Variants in RNF2 observed in about 807,000 individuals in gnomAD.
The protein encoded by RNF2 is ring finger protein 2.
In RNF2, 6 loss-of-function variants were observed where a neutral mutation model predicts 37.2. The ratio of observed to expected loss-of-function variants is 0.16; its 90% CI spans 0.09 to 0.32. RNF2 has a LOEUF of 0.32. RNF2 is among the 10% of genes least tolerant of loss of function. The pLI, the probability that RNF2 is intolerant of heterozygous loss-of-function variation, is 1.00. For synonymous variants in RNF2, 133 were observed against 132.7 expected, an observed-to-expected ratio of 1.00 and a Z score of -0.02; for missense variants, 251 against 404.0, an observed-to-expected ratio of 0.62 and a Z score of 3.25.
chr1:185,062,578 TTATA>T (rs1650641921), intron 1 of RNF2, among the ~76,000 whole-genome samples: 1 of 152,138 alleles, frequency 6.6e-6, no homozygotes, highest in Admixed American at 6.5e-5. Flanking sequence ...TGGTTGTTTT[TTATA>T]ATTTTAGAGT....
At chr1:185,084,935 G>A (rs1266666210) in intron 1 of RNF2, among the ~76,000 whole-genome samples, 1 of 152,080 alleles carries the variant, frequency 6.6e-6, no homozygotes, top group Non-Finnish European at 1.5e-5. Context: ...GTACAGGAAT[G>A]AGGGACATGT....
At chr1:185,084,789 C>T (rs1299069574) in intron 1 of RNF2, among the ~76,000 whole-genome samples, 1 of 152,162 alleles carries the variant, frequency 6.6e-6, no homozygotes, top group Non-Finnish European at 1.5e-5. Flanking sequence ...CCAGGAGAAG[C>T]TTGCAGCTTT....
At chr1:185,057,932 C>T (rs1317519852) in intron 1 of RNF2, among the ~76,000 whole-genome samples, 1 of 152,074 alleles carries the variant, frequency 6.6e-6, no homozygotes, top group Non-Finnish European at 1.5e-5. Context: ...TGAGACCAGG[C>T]TTGGCAACAT....
chr1:185,058,887 A>G (rs185923477), intron 1 of RNF2, among the ~76,000 whole-genome samples: 2 of 152,324 alleles, frequency 1.3e-5, no homozygotes, highest in Non-Finnish European at 2.9e-5. Flanking sequence ...CTGTATATTG[A>G]CTTGGTTAAA....
rs751537098 is a variant in RNF2 at position 185,093,148 on chromosome 1, A to G, written c.336A>G (p.Lys112=). The G allele has an allele frequency of 6.2e-7, 1 of 1,614,024 alleles. No homozygotes were observed. Among genetic ancestry groups the G allele is most frequent in the Non-Finnish European group, 8.5e-7 (1 of 1,179,952 alleles). The change falls in exon 4 of 7, where the codon AAA becomes AAG. Residue 112 remains lysine, a synonymous_variant. Coordinates refer to ENST00000367510, the MANE Select transcript of RNF2 (RefSeq NM_007212.4). ...CAAACTTTGATGCACTCATCAGCAA[A>G]ATTTATCCAAGTCGTGATGAGTATG... is the stretch of plus-strand genomic sequence containing the variant. The part of the protein sequence containing the change: ...PDPNFDALIS[K]IYPSRDEYEA...
At chr1:185,054,575 G>A (rs969118883) in intron 1 of RNF2, among the ~76,000 whole-genome samples, 3 of 152,198 alleles carry the variant, frequency 2.0e-5, no homozygotes, top group Admixed American at 6.5e-5. Context: ...CTGAAATGGC[G>A]GCCGCCAGGA....
chr1:185,082,904 A>G (rs1651471700), intron 1 of RNF2, among the ~76,000 whole-genome samples: 1 of 152,246 alleles, frequency 6.6e-6, no homozygotes, highest in Non-Finnish European at 1.5e-5. Flanking sequence ...AAAATGATGT[A>G]TAACATAACC....
At chr1:185,053,845 A>G (rs1225857170) in intron 1 of RNF2, among the ~76,000 whole-genome samples, 1 of 152,160 alleles carries the variant, frequency 6.6e-6, no homozygotes, top group Non-Finnish European at 1.5e-5. Context: ...AAATAAGATT[A>G]TATAATGTGC....
chr1:185,080,715 G>T (rs1217592997), intron 1 of RNF2, among the ~76,000 whole-genome samples: 2 of 152,148 alleles, frequency 1.3e-5, no homozygotes, highest in Non-Finnish European at 2.9e-5. Flanking sequence ...AGGAAATTCT[G>T]GAAATGCAAC....
At chr1:185,083,858 C>A (rs188686859) in intron 1 of RNF2, among the ~76,000 whole-genome samples, 1 of 149,718 alleles carries the variant, frequency 6.7e-6, no homozygotes, top group African/African-American at 2.5e-5. Context: ...CTACCTGTCT[C>A]GGCCTCCCAA....
Position 185,074,718 on chromosome 1 carries a change from AT to A in RNF2, c.-2-12826del, listed in dbSNP as rs527423745. Among the ~76,000 whole-genome samples the A allele has an allele frequency of 6.1e-3, 923 of 152,154 alleles. 7 individuals are homozygous for A. Among genetic ancestry groups the A allele is most frequent in the Non-Finnish European group, 8.5e-3 (577 of 67,982 alleles). On this transcript the variant is annotated intron_variant, in intron 1 of 6. Transcript: ENST00000367510. ...TATGGTTGCATCTGAACGTGTACAG[AT>A]TTTTTTTCTCGTGTCATTATTCTCT...
intron 1 of RNF2, among the ~76,000 whole-genome samples, chr1:185,063,054 G>T (rs1650660351): frequency 6.6e-6 from 1 of 152,118 alleles, no homozygotes; most frequent in South Asian, 2.1e-4. Flanking sequence ...CCACTTCTAG[G>T]AATTTGTCCT....
intron 4 of RNF2, among the ~76,000 whole-genome samples, chr1:185,095,965 A>G (rs1651899368): frequency 6.6e-6 from 1 of 152,224 alleles, no homozygotes; most frequent in South Asian, 2.1e-4. Context: ...GTGATTTGAT[A>G]AATGTAGGAT....
At chr1:185,095,493 A>G (rs1000616206) in intron 4 of RNF2, among the ~76,000 whole-genome samples, 1 of 151,832 alleles carries the variant, frequency 6.6e-6, no homozygotes, top group Non-Finnish European at 1.5e-5. Context: ...GTAATTCCTT[A>G]CCCTCCCTGC....
chr1:185,053,199 A>G (rs1346286885), intron 1 of RNF2, among the ~76,000 whole-genome samples: 1 of 152,066 alleles, frequency 6.6e-6, no homozygotes, highest in Non-Finnish European at 1.5e-5. Context: ...TATTATTGTT[A>G]TTATTCCCAT....
intron 5 of RNF2, among the ~76,000 whole-genome samples, chr1:185,098,837 C>T (rs796980578): frequency 1.1e-4 from 16 of 150,620 alleles, no homozygotes; most frequent in African/African-American, 3.2e-4. Flanking sequence ...CTGCAGCCTC[C>T]GCCTCCTGGG....
At chr1:185,093,641 C>T (rs1651831645) in intron 4 of RNF2, among the ~76,000 whole-genome samples, 1 of 152,146 alleles carries the variant, frequency 6.6e-6, no homozygotes, top group Non-Finnish European at 1.5e-5. Context: ...TTCATTGTGC[C>T]ATCTAATGGC....
intron 1 of RNF2, among the ~76,000 whole-genome samples, chr1:185,085,748 G>T (rs1651577933): frequency 1.3e-5 from 2 of 151,938 alleles, no homozygotes; most frequent in African/African-American, 2.4e-5. Context: ...CTGCCTCCCG[G>T]GTTCAAGCGA....
intron 1 of RNF2, among the ~76,000 whole-genome samples, chr1:185,074,982 C>CGT (rs368232686): frequency 1.6e-3 from 240 of 151,240 alleles, no homozygotes; most frequent in South Asian, 4.4e-3. Context: ...TATATAGTTC[C>CGT]GTGTGTGTGT....
Sources: gnomAD v4.1 joint callset for allele counts (sites outside exome capture counted in the v4.1 genomes callset) on GRCh38, gnomAD v4.1.1 for gene constraint, MANE v1.5 for transcripts, NCBI Gene and HGNC (gene_info 2026-07-23, HGNC 2026-07-21) for gene names.